TOMM34: variants seen among roughly 807,000 people sequenced by gnomAD.
TOMM34 encodes the protein mitochondrial import receptor subunit TOM34.
A neutral mutation model predicts 37.4 loss-of-function variants in TOMM34; 24 were observed. The observed-to-expected ratio is 0.64, with a 90% CI of 0.46 to 0.90. TOMM34 has a LOEUF of 0.90. Ranked by LOEUF, TOMM34 falls within the 40% of genes least tolerant of loss-of-function variation. The pLI, the probability that TOMM34 is intolerant of heterozygous loss-of-function variation, is 0.00. For missense variants in TOMM34, 304 were observed against 375.6 expected (o/e 0.81, Z 1.58); for synonymous variants, 154 against 148.9 (o/e 1.03, Z -0.25).
intron 1 of TOMM34, 35 bp downstream of exon 1, chr20:44,960,172 C>A: frequency 6.5e-7 from 1 of 1,539,892 alleles, no homozygotes; most frequent in Non-Finnish European, 8.7e-7. Context: ...GTTGGAGGAG[C>A]AGGCCCGGAG....
intron 3 of TOMM34, among the ~76,000 whole-genome samples, chr20:44,953,456 T>A (rs2067043965): frequency 6.6e-6 from 1 of 152,206 alleles, no homozygotes; most frequent in African/African-American, 2.4e-5. Context: ...CCTCTGTAAG[T>A]CCCTCAAATG....
chr20:44,956,762 G>A (rs1303735800), intron 1 of TOMM34, among the ~76,000 whole-genome samples: 2 of 151,960 alleles, frequency 1.3e-5, no homozygotes, highest in Admixed American at 6.6e-5. Flanking sequence ...ACAAGAAATA[G>A]CTAGCTTCTG....
At chr20:44,953,376 AT>A (rs2067043124) in intron 3 of TOMM34, among the ~76,000 whole-genome samples, 2 of 152,160 alleles carry the variant, frequency 1.3e-5, no homozygotes, top group Non-Finnish European at 2.9e-5. Flanking sequence ...TGATGTCTCC[AT>A]CTTTCTTGAA....
At chr20:44,950,242 C>T (rs929474566) in intron 4 of TOMM34, among the ~76,000 whole-genome samples, 1 of 152,194 alleles carries the variant, frequency 6.6e-6, no homozygotes, top group African/African-American at 2.4e-5. Context: ...TCTCCACTGT[C>T]TCTGCCAAGG....
At chr20:44,955,027 G>A in intron 3 of TOMM34, 41 bp downstream of exon 3, 1 of 1,608,982 alleles carries the variant, frequency 6.2e-7, no homozygotes, top group Non-Finnish European at 8.5e-7. Flanking sequence ...AAGAAGGACA[G>A]GGAGTTGCCG....
Position 44,955,669 on chromosome 20 carries a change from G to A in TOMM34, c.228-449C>T, listed in dbSNP as rs148343005. ...CCTCAGCAACCAAGTTCTGGCCTGGGACACATGGTAACCGTACCCCACAGA... is the reference window on the plus strand; with the variant it reads ...CCTCAGCAACCAAGTTCTGGCCTGGAACACATGGTAACCGTACCCCACAGA... On this transcript the variant is annotated intron_variant, in intron 2 of 6. Transcript: ENST00000372813. 2.0e-3 allele frequency: 921 copies of A among 457,122 alleles called. 5 individuals carry two copies. The highest frequency in any genetic ancestry group is 2.6e-3 in the Non-Finnish European group (594 of 227,314). The allele number at this position is 457,122 out of a possible 1,614,324, so 28.3% of individuals were successfully genotyped here. A position where few individuals can be genotyped will look rare whatever the true frequency, so the allele number is the denominator to read the frequency against.
At chr20:44,956,601 A>G in intron 1 of TOMM34, 116 bp from the exon 2 acceptor site, 1 of 939,492 alleles carries the variant, frequency 1.1e-6, no homozygotes, top group Non-Finnish European at 1.6e-6. Flanking sequence ...AGAGATAACT[A>G]TAACCTGTTC....
At chr20:44,959,490 A>G (rs1232181001) in intron 1 of TOMM34, among the ~76,000 whole-genome samples, 2 of 152,164 alleles carry the variant, frequency 1.3e-5, no homozygotes, top group African/African-American at 2.4e-5. Flanking sequence ...CGAACTCCTT[A>G]GCAGAGTTTA....
At chr20:44,953,615 G>A (rs888928374) in intron 3 of TOMM34, among the ~76,000 whole-genome samples, 2 of 152,038 alleles carry the variant, frequency 1.3e-5, no homozygotes, top group African/African-American at 2.4e-5. Context: ...ATACCCAACC[G>A]TCCTACTTAG....
chr20:44,948,312 C>T (rs1486537598), intron 5 of TOMM34, among the ~76,000 whole-genome samples: 1 of 152,176 alleles, frequency 6.6e-6, no homozygotes, highest in African/African-American at 2.4e-5. Context: ...GCAATGGTTA[C>T]TTCACATTTT....
intron 3 of TOMM34, among the ~76,000 whole-genome samples, chr20:44,953,080 T>C (rs2284268): frequency 0.076 from 11,504 of 152,120 alleles, 748 homozygotes; most frequent in African/African-American, 0.17. Flanking sequence ...TCTTGCCTCT[T>C]TCAGGGACCA....
intron 4 of TOMM34, among the ~76,000 whole-genome samples, chr20:44,951,174 T>A (rs2067023005): frequency 1.3e-5 from 2 of 151,938 alleles, no homozygotes; most frequent in African/African-American, 4.8e-5. Flanking sequence ...ATTGAGAAAA[T>A]ATGTGAGCTA....
At chr20:44,958,481 G>A (rs1236779396) in intron 1 of TOMM34, 3 of 449,092 alleles carry the variant, frequency 6.7e-6, no homozygotes, top group South Asian at 3.2e-5. Context: ...CATCAACCCT[G>A]CGATCCGGAC....
At chr20:44,954,063 C>T (rs2067049361) in intron 3 of TOMM34, among the ~76,000 whole-genome samples, 1 of 152,172 alleles carries the variant, frequency 6.6e-6, no homozygotes, top group Non-Finnish European at 1.5e-5. Flanking sequence ...CACTTGCTCA[C>T]CTTTGCACAC....
chr20:44,943,590 A>T lies in TOMM34; in HGVS notation c.699-11T>A. ...AAATAGCAGAGTGCTCTGAAGGGAAAGACCATTTCAGAGGTTTCAGTCACG... is the reference window on the plus strand; with the variant it reads ...AAATAGCAGAGTGCTCTGAAGGGAATGACCATTTCAGAGGTTTCAGTCACG... On this transcript the variant is annotated splice_polypyrimidine_tract_variant and intron_variant, in intron 5 of 6. Transcript: ENST00000372813. The T allele has an allele frequency of 6.2e-7, 1 of 1,614,042 alleles. No homozygotes were observed. The highest frequency in any genetic ancestry group is 8.5e-7 in the Non-Finnish European group (1 of 1,179,998).
At chr20:44,943,796 T>G (rs1399784705) in intron 5 of TOMM34, among the ~76,000 whole-genome samples, 1 of 152,268 alleles carries the variant, frequency 6.6e-6, no homozygotes, top group African/African-American at 2.4e-5. Context: ...ACCGCCAGTA[T>G]TAAGGGGCAG....
Position 44,942,850 on chromosome 20 carries a change from G to T in TOMM34, c.*259C>A. 1.8e-6 allele frequency: 1 copy of T among 551,448 alleles called. No individual in the cohort carries two copies. Among genetic ancestry groups the T allele is most frequent in the Non-Finnish European group, 3.2e-6 (1 of 308,710 alleles). The allele number at this position is 551,448 out of a possible 1,614,324, so 34.2% of individuals were successfully genotyped here. On this transcript the variant is annotated 3_prime_UTR_variant, in exon 7 of 7. Transcript: ENST00000372813. ...GTGTGATCAGCTAGCTGGGCTGGGGGAATAGGGACAGAGCTTCAGCTTCAC... is the reference window on the plus strand; with the variant it reads ...GTGTGATCAGCTAGCTGGGCTGGGGTAATAGGGACAGAGCTTCAGCTTCAC...
At chr20:44,945,355 G>A (rs962560245) in intron 5 of TOMM34, among the ~76,000 whole-genome samples, 4 of 152,224 alleles carry the variant, frequency 2.6e-5, no homozygotes, top group Non-Finnish European at 4.4e-5. Context: ...AGGCGGAGGT[G>A]TATCTGCTCT....
At chr20:44,958,513 C>G in intron 1 of TOMM34, 2 of 395,492 alleles carry the variant, frequency 5.1e-6, no homozygotes, top group South Asian at 3.7e-5. Context: ...TCCCTCTGAT[C>G]ATGCGTGCCC....
Sources: gnomAD v4.1 joint callset for allele counts (sites outside exome capture counted in the v4.1 genomes callset) on GRCh38, gnomAD v4.1.1 for gene constraint, MANE v1.5 for transcripts, NCBI Gene and HGNC (gene_info 2026-07-23, HGNC 2026-07-21) for gene names.